The following KLHL5 variants were observed in gnomAD, a reference collection of about 807,000 sequenced individuals.
KLHL5 encodes kelch-like protein 5.
Under a neutral mutation model 77.7 loss-of-function variants are expected in KLHL5, and 48 were observed. The ratio of observed to expected loss-of-function variants is 0.62; its 90% CI spans 0.49 to 0.79. The LOEUF is 0.79. KLHL5 is among the 30% of genes least tolerant of loss of function. The pLI is 0.00. For synonymous variants in KLHL5, 260 were observed against 297.0 expected, an observed-to-expected ratio of 0.88 and a Z score of 1.28; for missense variants, 723 against 859.7, an observed-to-expected ratio of 0.84 and a Z score of 1.99.
intron 4 of KLHL5, among the ~76,000 whole-genome samples, chr4:39,086,055 A>G (rs1577690024): frequency 6.6e-6 from 1 of 152,284 alleles, no homozygotes; most frequent in East Asian, 1.9e-4. Context: ...TCTGGAGGCC[A>G]TTTCTTAGTA....
At chr4:39,092,745 C>G (rs1318013419) in intron 5 of KLHL5, among the ~76,000 whole-genome samples, 1 of 152,138 alleles carries the variant, frequency 6.6e-6, no homozygotes, top group Non-Finnish European at 1.5e-5. Context: ...GACTGTTTCT[C>G]TCTTCGTCTA....
chr4:39,102,263 T>A (rs963812953), intron 6 of KLHL5, among the ~76,000 whole-genome samples: 2 of 151,838 alleles, frequency 1.3e-5, no homozygotes, highest in African/African-American at 4.8e-5. Flanking sequence ...TGGGTTCTAG[T>A]TGAACTCTTC....
At chr4:39,050,561 A>G (rs1716563114) in intron 1 of KLHL5, among the ~76,000 whole-genome samples, 1 of 152,216 alleles carries the variant, frequency 6.6e-6, no homozygotes, top group African/African-American at 2.4e-5. Context: ...TTAATCTAAG[A>G]GTTTATGAAC....
At chr4:39,063,823 C>T (rs1577646772) in intron 1 of KLHL5, 1 of 168,718 alleles carries the variant, frequency 5.9e-6, no homozygotes, top group East Asian at 1.4e-4. Context: ...CTTTATCTAC[C>T]TTTATCTTGG....
At position 39,115,258 on chromosome 4, in the gene KLHL5, T is replaced by TG. The variant is rs1213171273; in HGVS notation, c.2007dup (p.Tyr670ValfsTer2). ...TACTTGGTGATAAGTTATATGCTGT[T>TG]GGGGGGTATGATGGACAGGCATACC... On this transcript the variant is annotated frameshift_variant, in exon 10 of 11. Coordinates refer to ENST00000504108, the MANE Select transcript of KLHL5 (RefSeq NM_015990.5). LOFTEE classifies it high-confidence loss of function. The TG allele has an allele frequency of 1.7e-5, 28 of 1,613,872 alleles. No individual in the cohort carries two copies. Among genetic ancestry groups the TG allele is most frequent in the Non-Finnish European group, 2.4e-5 (28 of 1,179,818 alleles).
At chr4:39,142,292 G>A in the KLHL5 span, among the ~76,000 whole-genome samples, 1 of 151,998 alleles carries the variant, frequency 6.6e-6, no homozygotes, top group African/African-American at 2.4e-5. Context: ...CTACTCCGGA[G>A]GCTGAGGCAA....
In KLHL5 at chr4:39,126,040, T is replaced by G. The variant is rs1452303341; in HGVS notation, c.*4974T>G. Among the ~76,000 whole-genome samples, 1 of 151,806 alleles carries G rather than the reference T, an allele frequency of 6.6e-6. No homozygotes were observed. Among genetic ancestry groups the G allele is most frequent in the African/African-American group, 2.4e-5 (1 of 41,278 alleles). ...TCTTAATTTCAACCTAAGAAGGGAG[T>G]GAGAAACAACGAGAACCATGAGGGG... On this transcript the variant is annotated 3_prime_UTR_variant, in exon 11 of 11. Coordinates refer to ENST00000504108, the MANE Select transcript of KLHL5 (RefSeq NM_015990.5).
chr4:39,050,702 A>G (rs1264929651), intron 1 of KLHL5, among the ~76,000 whole-genome samples: 1 of 152,242 alleles, frequency 6.6e-6, no homozygotes, highest in African/African-American at 2.4e-5. Flanking sequence ...AGTGTAATTG[A>G]CAACTTTATA....
At chr4:39,051,184 A>G (rs993772230) in intron 1 of KLHL5, among the ~76,000 whole-genome samples, 2 of 152,198 alleles carry the variant, frequency 1.3e-5, no homozygotes, top group Non-Finnish European at 2.9e-5. Context: ...TTTATTCTCA[A>G]TAAATTTCTA....
chr4:39,094,677 A>AT (rs1227350150), intron 5 of KLHL5, among the ~76,000 whole-genome samples: 1 of 151,968 alleles, frequency 6.6e-6, no homozygotes, highest in Non-Finnish European at 1.5e-5. Flanking sequence ...AGAATAAAGA[A>AT]TAAAAAAAAA....
intron 1 of KLHL5, among the ~76,000 whole-genome samples, chr4:39,051,259 G>A (rs1284964301): frequency 3.3e-5 from 5 of 151,634 alleles, no homozygotes; most frequent in African/African-American, 9.7e-5. Flanking sequence ...TTCAAACTAC[G>A]CGATAATCTC....
chr4:39,095,390 A>G (rs1047063087), intron 5 of KLHL5, among the ~76,000 whole-genome samples: 1 of 152,098 alleles, frequency 6.6e-6, no homozygotes, highest in Admixed American at 6.6e-5. Context: ...CACTTTGGAA[A>G]ATCTGACAAC....
chr4:39,055,349 G>A (rs1716938593), intron 1 of KLHL5, among the ~76,000 whole-genome samples: 1 of 152,222 alleles, frequency 6.6e-6, no homozygotes, highest in African/African-American at 2.4e-5. Flanking sequence ...TTCCTGTGGT[G>A]GACAGACCAC....
At position 39,048,047 on chromosome 4, in the gene KLHL5, G is replaced by C. The variant is rs555988212; in HGVS notation, c.-95+2951G>C. On this transcript the variant is annotated intron_variant, in intron 1 of 11. Coordinates refer to the KLHL5 transcript ENST00000261425. The stretch of plus-strand genomic sequence containing the variant: ...AATGTTGAGAATCTACTGGGTACTG[G>C]GTAGTAGAAAAACAGCTTTAAGAGA... 1.8e-4 allele frequency among the ~76,000 whole-genome samples: 28 copies of C among 152,222 alleles called. No individual in the cohort carries two copies. In the South Asian group the frequency reaches 5.6e-3, roughly 30 times the overall value.
chr4:39,105,319 T>G (rs1721939396), intron 7 of KLHL5, among the ~76,000 whole-genome samples: 1 of 151,882 alleles, frequency 6.6e-6, no homozygotes, highest in African/African-American at 2.4e-5. Flanking sequence ...GCTAATTTTT[T>G]AATTTTTGGT....
chr4:39,098,458 G>A (rs1158225690), intron 6 of KLHL5, among the ~76,000 whole-genome samples: 1 of 151,008 alleles, frequency 6.6e-6, no homozygotes, highest in South Asian at 2.1e-4. Flanking sequence ...GTAGAGATGG[G>A]GTTTCACCAT....
Position 39,081,073 on chromosome 4 carries a change from T to C in KLHL5, c.567-30T>C, listed in dbSNP as rs376185314. On this transcript the variant is annotated intron_variant, in intron 2 of 10. Transcript: ENST00000504108. The surrounding 1 kb of genome is among the most constrained non-coding windows in gnomAD (Gnocchi z 4.3). ...ATGAACATCAACTCGAATGTGGTCA[T>C]TGATTTTTTTTTTCCTAATGTGTTC... The C allele has an allele frequency of 1.3e-6, 2 of 1,575,912 alleles. No homozygotes were observed. Among genetic ancestry groups the C allele is most frequent in the Non-Finnish European group, 1.7e-6 (2 of 1,166,248 alleles).
chr4:39,048,937 T>C (rs543675616), intron 1 of KLHL5, among the ~76,000 whole-genome samples: 1 of 152,096 alleles, frequency 6.6e-6, no homozygotes, highest in East Asian at 1.9e-4. Flanking sequence ...CCACCGCGCC[T>C]GGTGTACATT....
chr4:39,087,069 C>T (rs1720119039), intron 5 of KLHL5, among the ~76,000 whole-genome samples: 1 of 151,922 alleles, frequency 6.6e-6, no homozygotes, highest in Admixed American at 6.6e-5. Context: ...TGCCACCATG[C>T]CTGGCTAATT....
Sources: gnomAD v4.1 joint callset for allele counts (sites outside exome capture counted in the v4.1 genomes callset) on GRCh38, gnomAD v4.1.1 for gene constraint, Gnocchi (gnomAD v3.1) non-coding constraint, MANE v1.5 for transcripts, NCBI Gene and HGNC (gene_info 2026-07-23, HGNC 2026-07-21) for gene names.